Variants in MARCHF1 observed in about 807,000 individuals in gnomAD.
MARCHF1 encodes the protein E3 ubiquitin-protein ligase MARCHF1.
Under a neutral mutation model 54.2 loss-of-function variants are expected in MARCHF1, and 40 were observed. That is an observed-to-expected ratio of 0.74 (90% confidence interval 0.57 to 0.96). The LOEUF is 0.96. MARCHF1 is among the 40% of genes least tolerant of loss of function. The pLI, the probability that MARCHF1 is intolerant of heterozygous loss-of-function variation, is 0.00. For missense variants in MARCHF1, 586 were observed against 656.5 expected (o/e 0.89, Z 1.17); for synonymous variants, 236 against 236.3 (o/e 1.00, Z 0.01).
chr4:163,683,806 A>G (rs983745291), intron 5 of MARCHF1, among the ~76,000 whole-genome samples: 26 of 152,216 alleles, frequency 1.7e-4, no homozygotes, highest in African/African-American at 6.0e-4. Flanking sequence ...CATTCTGGAC[A>G]TGGCTCAGCA....
At chr4:164,184,002 A>G (rs1730900841) in intron 1 of MARCHF1, among the ~76,000 whole-genome samples, 2 of 152,316 alleles carry the variant, frequency 1.3e-5, no homozygotes, top group East Asian at 1.9e-4. Context: ...GCTTTAGAAC[A>G]TTCCAGCCTC....
intron 2 of MARCHF1, among the ~76,000 whole-genome samples, chr4:164,047,673 A>C (rs1212867006): frequency 4.6e-5 from 7 of 152,180 alleles, no homozygotes; most frequent in Admixed American, 4.6e-4. Context: ...TTTTGTCTTA[A>C]GTTCTCAAGA....
intron 4 of MARCHF1, among the ~76,000 whole-genome samples, chr4:163,729,850 C>A (rs909419164): frequency 1.3e-5 from 2 of 152,068 alleles, no homozygotes; most frequent in Admixed American, 6.6e-5. Context: ...CTTTAAAATT[C>A]TCTTTGTCCT....
chr4:164,190,240 TG>T, intron 1 of MARCHF1: 2 of 1,270,468 alleles, frequency 1.6e-6, no homozygotes, highest in South Asian at 1.3e-5. Context: ...AAGAAGGAAC[TG>T]GAAGAAATTG....
At chr4:164,011,352 T>G (rs1753416073) in intron 2 of MARCHF1, among the ~76,000 whole-genome samples, 1 of 151,542 alleles carries the variant, frequency 6.6e-6, no homozygotes, top group South Asian at 2.1e-4. Flanking sequence ...GTTAAGAAAA[T>G]GTTTGCAAAC....
chr4:164,049,440 T>C (rs1754310731), intron 2 of MARCHF1, among the ~76,000 whole-genome samples: 1 of 150,480 alleles, frequency 6.6e-6, no homozygotes, highest in Admixed American at 6.6e-5. Flanking sequence ...GATACTATAA[T>C]CTTTTTTTTT....
chr4:164,210,693 T>C (rs955039256), intron 1 of MARCHF1, among the ~76,000 whole-genome samples: 1 of 152,050 alleles, frequency 6.6e-6, no homozygotes, highest in Non-Finnish European at 1.5e-5. Context: ...ATATTAAGAA[T>C]TGGAGCCAGC....
intron 4 of MARCHF1, among the ~76,000 whole-genome samples, chr4:163,812,575 T>G (rs186057886): frequency 3.3e-5 from 5 of 152,036 alleles, no homozygotes; most frequent in Non-Finnish European, 7.4e-5. Flanking sequence ...CTGGCCAACA[T>G]GGTGAAACCC....
At chr4:163,723,811 C>A (rs576884896) in intron 4 of MARCHF1, among the ~76,000 whole-genome samples, 8 of 152,298 alleles carry the variant, frequency 5.3e-5, no homozygotes, top group Non-Finnish European at 7.3e-5. Context: ...TCCAGTTGAA[C>A]GAATCGGCTA....
At position 163,721,966 on chromosome 4, in the gene MARCHF1, G is replaced by C. The variant is rs186889407; in HGVS notation, c.112-21103C>G. On this transcript the variant is annotated intron_variant, in intron 4 of 9. Transcript: ENST00000514618. ...TAGTGGTCTATCAATTTTGTTGATC[G>C]TTTCAAAAAACCAGTTCCTGGATTC... 6.6e-5 allele frequency among the ~76,000 whole-genome samples: 10 copies of C among 151,674 alleles called. No individual in the cohort carries two copies. In the South Asian group the frequency reaches 1.7e-3, roughly 25 times the overall value.
chr4:163,640,491 C>T, intron 5 of MARCHF1, among the ~76,000 whole-genome samples: 1 of 152,240 alleles, frequency 6.6e-6, no homozygotes, highest in East Asian at 1.9e-4. Flanking sequence ...TCAGAAGAAA[C>T]TTTTGAGGTC....
intron 1 of MARCHF1, among the ~76,000 whole-genome samples, chr4:164,116,247 G>A (rs1390388118): frequency 6.6e-6 from 1 of 152,100 alleles, no homozygotes; most frequent in African/African-American, 2.4e-5. Context: ...TAGAATGCTA[G>A]AAAATAGCAT....
chr4:164,365,020 A>G (rs1357809765), intron 1 of MARCHF1, among the ~76,000 whole-genome samples: 1 of 152,034 alleles, frequency 6.6e-6, no homozygotes, highest in Non-Finnish European at 1.5e-5. Context: ...CTCAAAATTG[A>G]TAATTATGGA....
intron 8 of MARCHF1, among the ~76,000 whole-genome samples, chr4:163,550,257 C>T (rs1173278481): frequency 7.1e-6 from 1 of 140,520 alleles, no homozygotes; most frequent in African/African-American, 2.7e-5. Flanking sequence ...ACTCCAGCCT[C>T]GGCGACAGAG....
At chr4:163,668,593 A>G (rs1743621089) in intron 5 of MARCHF1, among the ~76,000 whole-genome samples, 1 of 152,132 alleles carries the variant, frequency 6.6e-6, no homozygotes, top group African/African-American at 2.4e-5. Flanking sequence ...TGGGATGGAA[A>G]CTGTATTGAT....
chr4:164,321,421 G>A (rs1388613930), intron 1 of MARCHF1, among the ~76,000 whole-genome samples: 1 of 151,972 alleles, frequency 6.6e-6, no homozygotes, highest in African/African-American at 2.4e-5. Flanking sequence ...TTTTCATAAT[G>A]GAGAAAAGAT....
chr4:163,932,169 T>G (rs1260442186), intron 3 of MARCHF1, among the ~76,000 whole-genome samples: 1 of 152,188 alleles, frequency 6.6e-6, no homozygotes, highest in Non-Finnish European at 1.5e-5. Flanking sequence ...TCATGATCTT[T>G]TTGCTGGTAA....
At chr4:163,627,382 C>T (rs1043104581) in intron 5 of MARCHF1, among the ~76,000 whole-genome samples, 3 of 152,162 alleles carry the variant, frequency 2.0e-5, no homozygotes, top group Admixed American at 2.0e-4. Context: ...AACCTTTCTT[C>T]GATAGCATAG....
At chr4:163,789,628 T>C (rs1294640253) in intron 4 of MARCHF1, among the ~76,000 whole-genome samples, 2 of 152,048 alleles carry the variant, frequency 1.3e-5, no homozygotes, top group African/African-American at 4.8e-5. Flanking sequence ...AGAAAGTCTG[T>C]GGTGGGGCAT....
Sources: gnomAD v4.1 joint callset for allele counts (sites outside exome capture counted in the v4.1 genomes callset) on GRCh38, gnomAD v4.1.1 for gene constraint, MANE v1.5 for transcripts, NCBI Gene and HGNC (gene_info 2026-07-23, HGNC 2026-07-21) for gene names.